Variants in CNTN5 observed in about 807,000 individuals in gnomAD.
CNTN5 encodes the protein contactin-5.
A neutral mutation model predicts 129.1 loss-of-function variants in CNTN5; 77 were observed. The observed-to-expected ratio is 0.60, with a 90% confidence interval of 0.50 to 0.72. CNTN5 has a LOEUF of 0.72. Ranked by LOEUF, CNTN5 falls within the 30% of genes least tolerant of loss-of-function variation. The pLI, the probability that CNTN5 is intolerant of heterozygous loss-of-function variation, is 0.00. For synonymous variants in CNTN5, 509 were observed against 465.6 expected (o/e 1.09, Z -1.20); for missense variants, 1,478 against 1,328.8 (o/e 1.11, Z -1.75).
chr11:100,285,341 C>G (rs1299717895), intron 18 of CNTN5, among the ~76,000 whole-genome samples: 1 of 152,170 alleles, frequency 6.6e-6, no homozygotes, highest in Non-Finnish European at 1.5e-5. Flanking sequence ...GAAGTCTCCA[C>G]TGCAGACAGC....
At chr11:99,588,767 T>G (rs138220534) in intron 3 of CNTN5, among the ~76,000 whole-genome samples, 56 of 152,196 alleles carry the variant, frequency 3.7e-4, no homozygotes, top group African/African-American at 1.3e-3. Flanking sequence ...GTGGCAACCG[T>G]GTCAATATGA....
At chr11:99,609,613 G>A (rs1950536183) in intron 3 of CNTN5, among the ~76,000 whole-genome samples, 1 of 152,100 alleles carries the variant, frequency 6.6e-6, no homozygotes, top group African/African-American at 2.4e-5. Context: ...CCTGGTTCTG[G>A]CTGATGAAGC....
intron 2 of CNTN5, among the ~76,000 whole-genome samples, chr11:99,399,924 G>A (rs556880231): frequency 6.6e-6 from 1 of 151,740 alleles, no homozygotes; most frequent in Non-Finnish European, 1.5e-5. Context: ...TTTGATACAG[G>A]CATGCAATGT....
rs1204247002 is a variant in CNTN5, at chr11:99,950,965, AC to A, written c.674-5839del. On this transcript the variant is annotated intron_variant, in intron 7 of 24. Coordinates refer to ENST00000524871, the MANE Select transcript of CNTN5 (RefSeq NM_014361.4). ...GTTCTTTCACCTATTTGAGCCTCAG[AC>A]CTTTGATGTTGAAGATGATTAAAAT... is the stretch of plus-strand genomic sequence containing the variant. Among the ~76,000 whole-genome samples, 3 of 152,282 alleles carry A rather than the reference AC, an allele frequency of 2.0e-5. No homozygotes were observed. The East Asian group carries it at 5.8e-4, about 29-fold the overall frequency.
chr11:99,036,988 G>C (rs1355279404), intron 1 of CNTN5, among the ~76,000 whole-genome samples: 1 of 152,044 alleles, frequency 6.6e-6, no homozygotes, highest in Non-Finnish European at 1.5e-5. Context: ...GATTTTATAA[G>C]AAATAAAATG....
chr11:100,030,192 T>C (rs1185278864), intron 9 of CNTN5, among the ~76,000 whole-genome samples: 3 of 142,902 alleles, frequency 2.1e-5, no homozygotes, highest in African/African-American at 8.1e-5. Context: ...CTGGGCAATA[T>C]AGAAAGACCC....
intron 9 of CNTN5, among the ~76,000 whole-genome samples, chr11:100,014,083 T>C (rs1319491254): frequency 1.3e-5 from 2 of 152,184 alleles, no homozygotes; most frequent in African/African-American, 4.8e-5. Context: ...AATGATTTCA[T>C]GGTAACTTGG....
At chr11:99,226,855 C>A (rs1309631895) in intron 1 of CNTN5, among the ~76,000 whole-genome samples, 3 of 152,106 alleles carry the variant, frequency 2.0e-5, no homozygotes, top group South Asian at 2.1e-4. Flanking sequence ...GCTAACATAC[C>A]TTTTCTAGCT....
intron 13 of CNTN5, among the ~76,000 whole-genome samples, chr11:100,083,331 A>AAAG (rs1555001956): frequency 1.3e-5 from 2 of 151,572 alleles, no homozygotes; most frequent in South Asian, 2.1e-4. Flanking sequence ...AAAAAAAAAA[A>AAAG]AGAGAGATGG....
chr11:99,755,290 C>A (rs150636841), intron 3 of CNTN5, among the ~76,000 whole-genome samples: 1 of 152,082 alleles, frequency 6.6e-6, no homozygotes, highest in Non-Finnish European at 1.5e-5. Flanking sequence ...AACTTTGTAA[C>A]AATTGACAGA....
chr11:99,779,514 C>T (rs945622342), intron 3 of CNTN5, among the ~76,000 whole-genome samples: 4 of 151,844 alleles, frequency 2.6e-5, no homozygotes, highest in Non-Finnish European at 5.9e-5. Flanking sequence ...GGTAAATTTC[C>T]AGCTTCCCTT....
intron 9 of CNTN5, among the ~76,000 whole-genome samples, chr11:100,002,591 C>A (rs1342877748): frequency 6.6e-6 from 1 of 152,080 alleles, no homozygotes; most frequent in African/African-American, 2.4e-5. Context: ...ACCTTAGTAT[C>A]TCCTGAAATC....
chr11:99,899,165 C>T (rs1246591325), intron 6 of CNTN5, among the ~76,000 whole-genome samples: 2 of 151,998 alleles, frequency 1.3e-5, no homozygotes, highest in Admixed American at 6.6e-5. Flanking sequence ...ATCATATCTT[C>T]AGTGAACAGA....
chr11:99,790,254 T>A (rs1945692026), intron 3 of CNTN5, among the ~76,000 whole-genome samples: 1 of 152,090 alleles, frequency 6.6e-6, no homozygotes, highest in Admixed American at 6.5e-5. Context: ...TCATAGGAGT[T>A]TGGTTTACAG....
intron 3 of CNTN5, among the ~76,000 whole-genome samples, chr11:99,792,926 G>A (rs1945802861): frequency 6.6e-6 from 1 of 152,136 alleles, no homozygotes; most frequent in South Asian, 2.1e-4. Context: ...GGTGTTCATA[G>A]TAGTCTCTGA....
chr11:99,275,197 TA>T (rs145944861), intron 1 of CNTN5, among the ~76,000 whole-genome samples: 7 of 150,436 alleles, frequency 4.7e-5, no homozygotes, highest in East Asian at 3.9e-4. Context: ...CATTGATATA[TA>T]AAAAAAAACT....
chr11:99,339,985 A>G lies in CNTN5; in HGVS notation c.-71+14501A>G, dbSNP rs1270093914. On this transcript the variant is annotated intron_variant, in intron 2 of 24. Coordinates refer to ENST00000524871, the MANE Select transcript of CNTN5 (RefSeq NM_014361.4). ...ACCCTCCGTAAGGGTATATATAGCA[A>G]GCTGGTGGAGAGTTTTGAATTGAGC... Among the ~76,000 whole-genome samples the G allele has an allele frequency of 2.0e-5, 3 of 152,278 alleles. No individual in the cohort carries two copies. The South Asian group carries it at 6.2e-4, about 32-fold the overall frequency.
chr11:99,111,204 G>GT (rs531437979), intron 1 of CNTN5, among the ~76,000 whole-genome samples: 90 of 152,206 alleles, frequency 5.9e-4, no homozygotes, highest in Middle Eastern at 3.4e-3. Flanking sequence ...CTAAGCAGGT[G>GT]ACTCTGTACA....
chr11:99,961,442 G>A lies in CNTN5; in HGVS notation c.877+4433G>A, dbSNP rs375904458. On this transcript the variant is annotated intron_variant, in intron 8 of 24. Transcript: ENST00000524871. ...CATATATTTCTGAAAGAATGAGGAAGGATTGAGTTAAAGTATTAAAGAAGT... is the reference window on the plus strand; with the variant it reads ...CATATATTTCTGAAAGAATGAGGAAAGATTGAGTTAAAGTATTAAAGAAGT... Among the ~76,000 whole-genome samples the A allele has an allele frequency of 5.9e-5, 9 of 152,196 alleles. No homozygotes were observed. The East Asian group carries it at 1.7e-3, about 29-fold the overall frequency.
Sources: gnomAD v4.1 joint callset for allele counts (sites outside exome capture counted in the v4.1 genomes callset) on GRCh38, gnomAD v4.1.1 for gene constraint, MANE v1.5 for transcripts, NCBI Gene and HGNC (gene_info 2026-07-23, HGNC 2026-07-21) for gene names.